The following LAMB3 variants were observed in gnomAD, a reference collection of about 807,000 sequenced individuals.
LAMB3 encodes laminin subunit beta-3.
In LAMB3, 104 loss-of-function variants were observed where a neutral mutation model predicts 140.3. The observed-to-expected ratio is 0.74, with a 90% confidence interval of 0.63 to 0.87. The LOEUF (loss-of-function observed/expected upper bound fraction) is 0.87, where lower values mean the gene tolerates loss of function less well. Ranked by LOEUF, LAMB3 falls within the 40% of genes least tolerant of loss-of-function variation. The probability of loss-of-function intolerance (pLI) is 0.00; values close to 1 mark genes in which losing one functional copy is unlikely to be tolerated. For synonymous variants in LAMB3, 592 were observed against 602.9 expected (o/e 0.98, Z 0.26); for missense variants, 1,531 against 1,575.2 (o/e 0.97, Z 0.47).
chr1:209,647,569 T>C (rs2076528838), intron 3 of LAMB3, among the ~76,000 whole-genome samples: 1 of 152,186 alleles, frequency 6.6e-6, no homozygotes, highest in African/African-American at 2.4e-5. Context: ...ACAGAGGCAC[T>C]AGCCAGAGGC....
At chr1:209,627,938 T>C in intron 11 of LAMB3, 97 bp downstream of exon 11, 1 of 1,460,060 alleles carries the variant, frequency 6.8e-7, no homozygotes, top group South Asian at 1.2e-5. Flanking sequence ...TGCAGTGGGA[T>C]TTCCTCTGAA....
At chr1:209,635,099 A>G (rs1410721839) in intron 5 of LAMB3, among the ~76,000 whole-genome samples, 2 of 152,096 alleles carry the variant, frequency 1.3e-5, no homozygotes, top group African/African-American at 4.8e-5. Context: ...TGATCTCATG[A>G]TATAAACTGA....
At position 209,629,836 on chromosome 1, in the gene LAMB3, T is replaced by G. The variant is rs915711723; in HGVS notation, c.1033A>C (p.Asn345His). ...SQGAYGGVCD[N>H]CRDHTEGKNC... ...TTGCCTTCGGTGTGGTCCCGGCAATTGTCACACACACCTCCATATGCCCCC... is the reference window on the plus strand; with the variant it reads ...TTGCCTTCGGTGTGGTCCCGGCAATGGTCACACACACCTCCATATGCCCCC... Residue 345 changes from asparagine (N) to histidine (H), a missense_variant, in exon 10 of 23, where the codon AAT (asparagine) becomes CAT (histidine). Coordinates refer to ENST00000356082, the MANE Select transcript of LAMB3 (RefSeq NM_000228.3). 1.1e-5 allele frequency: 17 copies of G among 1,614,102 alleles called. No individual in the cohort carries two copies. The highest frequency in any genetic ancestry group is 1.4e-5 in the Non-Finnish European group (16 of 1,180,050).
In LAMB3 at chr1:209,630,595, G is replaced by T; in HGVS notation, c.943+20C>A. 1 of 1,614,118 alleles carries T rather than the reference G, an allele frequency of 6.2e-7. No homozygotes were observed. The highest frequency in any genetic ancestry group is 8.5e-7 in the Non-Finnish European group (1 of 1,180,008). On this transcript the variant is annotated intron_variant, in intron 9 of 22. Transcript: ENST00000356082. ...ACTCGACCCAGACCCTACAGGGGAG[G>T]GGTGATCCAAAGCTCCTACTTTGGC...
chr1:209,643,576 A>T (rs1426430157), intron 3 of LAMB3, among the ~76,000 whole-genome samples: 1 of 152,244 alleles, frequency 6.6e-6, no homozygotes, highest in Non-Finnish European at 1.5e-5. Flanking sequence ...AAGGAGCAAG[A>T]GGGCAAGAGC....
At chr1:209,615,723 G>C (rs1046571602) in intron 22 of LAMB3, among the ~76,000 whole-genome samples, 1 of 152,198 alleles carries the variant, frequency 6.6e-6, no homozygotes, top group East Asian at 1.9e-4. Context: ...ATATCTTAGC[G>C]ATGACTCTAG....
Position 209,633,023 on chromosome 1 carries a change from C to G in LAMB3, c.628+47G>C, listed in dbSNP as rs752338319. The G allele has an allele frequency of 2.1e-6, 3 of 1,418,172 alleles. No homozygotes were observed. In the Admixed American group the frequency reaches 5.0e-5, roughly 24 times the overall value. The allele number at this position is 1,418,172 out of a possible 1,614,324, so 87.8% of individuals were successfully genotyped here. ...CATGACCTGGGCTCCAACTCTGTTT[C>G]CTTTCCCACCCATAGTTCCATGGAC... On this transcript the variant is annotated intron_variant, in intron 7 of 22. Transcript: ENST00000356082.
chr1:209,648,550 C>T (rs926628591), intron 3 of LAMB3, among the ~76,000 whole-genome samples: 1 of 152,178 alleles, frequency 6.6e-6, no homozygotes, highest in African/African-American at 2.4e-5. Context: ...CTGTTTTGCT[C>T]TCAAGGGGCT....
intron 17 of LAMB3, 104 bp from the exon 18 acceptor site, chr1:209,622,784 A>C: frequency 6.6e-7 from 1 of 1,510,994 alleles, no homozygotes; most frequent in South Asian, 1.1e-5. Context: ...CTACCTAGGA[A>C]GCATTTGTAA....
intron 3 of LAMB3, among the ~76,000 whole-genome samples, chr1:209,649,256 TC>T (rs2076543934): frequency 1.3e-5 from 2 of 152,156 alleles, no homozygotes; most frequent in African/African-American, 4.8e-5. Flanking sequence ...ATTCCCTTGT[TC>T]AAGCAAAATG....
At chr1:209,640,431 C>T (rs1263246882) in intron 3 of LAMB3, among the ~76,000 whole-genome samples, 3 of 152,016 alleles carry the variant, frequency 2.0e-5, no homozygotes, top group Admixed American at 1.3e-4. Context: ...GCCTGTAGTC[C>T]CAGCTACTCG....
At chr1:209,635,924 G>A (rs1187249660) in intron 5 of LAMB3, among the ~76,000 whole-genome samples, 1 of 152,122 alleles carries the variant, frequency 6.6e-6, no homozygotes, top group African/African-American at 2.4e-5. Flanking sequence ...CCTAAACCAA[G>A]CTCATTCCCT....
At chr1:209,645,467 G>A (rs1453496982) in intron 3 of LAMB3, among the ~76,000 whole-genome samples, 2 of 152,114 alleles carry the variant, frequency 1.3e-5, no homozygotes, top group African/African-American at 4.8e-5. Flanking sequence ...CTGTAATCCA[G>A]CACTTTGGGA....
In LAMB3 at chr1:209,623,801, T is replaced by C. The variant is rs1446801290; in HGVS notation, c.2137+39A>G. On this transcript the variant is annotated intron_variant, in intron 15 of 22. Transcript: ENST00000356082. The surrounding 1 kb of genome is among the most constrained non-coding windows in gnomAD (Gnocchi z 4.2). ...GGGGGTGGCATGCCCACCACGGCAG[T>C]GCCCATGCCCGGGGTTATCCGGGTG... The C allele has an allele frequency of 6.2e-7, 1 of 1,613,864 alleles. No homozygotes were observed. The highest frequency in any genetic ancestry group is 1.3e-5 in the African/African-American group (1 of 74,930).
At chr1:209,619,738 T>G (rs1229312994) in intron 18 of LAMB3, among the ~76,000 whole-genome samples, 1 of 152,196 alleles carries the variant, frequency 6.6e-6, no homozygotes, top group Non-Finnish European at 1.5e-5. Flanking sequence ...CCCTGGAATC[T>G]GAACTCCTCT....
intron 1 of LAMB3, 138 bp from the exon 2 acceptor site, chr1:209,651,119 C>A (rs1347095461): frequency 2.9e-6 from 2 of 699,810 alleles, no homozygotes; most frequent in South Asian, 1.5e-5. Flanking sequence ...CTTGGAGCAG[C>A]AGATACATTT....
intron 8 of LAMB3, 32 bp downstream of exon 8, chr1:209,632,551 C>G: frequency 6.3e-7 from 1 of 1,596,598 alleles, no homozygotes; most frequent in Non-Finnish European, 8.6e-7. Context: ...GTCCTGCCCC[C>G]TTCCTCTCCC....
chr1:209,647,257 T>G (rs913974069), intron 3 of LAMB3, among the ~76,000 whole-genome samples: 1 of 152,172 alleles, frequency 6.6e-6, no homozygotes, highest in Non-Finnish European at 1.5e-5. Context: ...GGAGGTAACA[T>G]GCAAACAGGC....
At position 209,615,247 on chromosome 1, in the gene LAMB3, G is replaced by A; in HGVS notation, c.*24C>T. On this transcript the variant is annotated 3_prime_UTR_variant, in exon 23 of 23. Transcript: ENST00000356082. Reference sequence around the variant, plus strand: ...AAAAGCAAAGGCGGCAGATGAGTGGGGCAACGGGCTGGAAGCTGTAGCATC... The same window carrying A: ...AAAAGCAAAGGCGGCAGATGAGTGGAGCAACGGGCTGGAAGCTGTAGCATC... The A allele has an allele frequency of 6.2e-7, 1 of 1,613,938 alleles. No homozygotes were observed. The highest frequency in any genetic ancestry group is 1.1e-5 in the South Asian group (1 of 91,088).
Sources: gnomAD v4.1 joint callset for allele counts (sites outside exome capture counted in the v4.1 genomes callset) on GRCh38, gnomAD v4.1.1 for gene constraint, Gnocchi (gnomAD v3.1) non-coding constraint, MANE v1.5 for transcripts, NCBI Gene and HGNC (gene_info 2026-07-23, HGNC 2026-07-21) for gene names.